Variants in PLCB1 observed in about 807,000 individuals in gnomAD.
PLCB1 encodes the protein 1-phosphatidylinositol 4,5-bisphosphate phosphodiesterase beta-1.
A neutral mutation model predicts 161.8 loss-of-function variants in PLCB1; 46 were observed. The observed-to-expected ratio is 0.28, with a 90% CI of 0.22 to 0.36. The LOEUF is 0.36. Ranked by LOEUF, PLCB1 falls within the 10% of genes least tolerant of loss-of-function variation. The probability of loss-of-function intolerance (pLI) is 1.00; values close to 1 mark genes in which losing one functional copy is unlikely to be tolerated. For synonymous variants in PLCB1, 517 were observed against 503.7 expected (o/e 1.03, Z -0.35); for missense variants, 1,016 against 1,472.5 (o/e 0.69, Z 5.07).
chr20:8,471,505 C>T (rs997872677), intron 3 of PLCB1, among the ~76,000 whole-genome samples: 4 of 152,138 alleles, frequency 2.6e-5, no homozygotes, highest in South Asian at 2.1e-4. Context: ...TGTTAAGTTA[C>T]GTGTTACAAA....
At chr20:8,490,861 C>CATATATATATAT (rs111442214) in intron 3 of PLCB1, among the ~76,000 whole-genome samples, 8 of 141,848 alleles carry the variant, frequency 5.6e-5, no homozygotes, top group African/African-American at 2.0e-4. Context: ...TATATATAGG[C>CATATATATATAT]ATATATATAT....
At chr20:8,178,437 T>C (rs1600218201) in intron 2 of PLCB1, among the ~76,000 whole-genome samples, 2 of 152,194 alleles carry the variant, frequency 1.3e-5, no homozygotes, top group East Asian at 3.8e-4. Context: ...GGTCATGTAT[T>C]TGTCTTCTGT....
intron 2 of PLCB1, among the ~76,000 whole-genome samples, chr20:8,285,866 T>C (rs1983093973): frequency 1.3e-5 from 2 of 152,248 alleles, no homozygotes; most frequent in Admixed American, 6.5e-5. Context: ...AGATAGTTCC[T>C]GGTGTTTCCC....
chr20:8,143,805 G>A (rs2051427254), intron 1 of PLCB1, among the ~76,000 whole-genome samples: 1 of 152,192 alleles, frequency 6.6e-6, no homozygotes, highest in Non-Finnish European at 1.5e-5. Flanking sequence ...ATACTGCGTA[G>A]GTCCTTGCAG....
At chr20:8,354,785 A>G (rs1986307799) in intron 2 of PLCB1, among the ~76,000 whole-genome samples, 2 of 152,196 alleles carry the variant, frequency 1.3e-5, no homozygotes, top group South Asian at 4.1e-4. Context: ...TGCTAGTACT[A>G]TTATTTCTCA....
intron 2 of PLCB1, among the ~76,000 whole-genome samples, chr20:8,177,941 C>G (rs959799738): frequency 6.6e-6 from 1 of 151,114 alleles, no homozygotes. Context: ...TGAGAACATT[C>G]GTGATGTTTG....
intron 27 of PLCB1, among the ~76,000 whole-genome samples, chr20:8,784,310 C>G (rs1401329682): frequency 1.3e-5 from 2 of 151,630 alleles, no homozygotes; most frequent in African/African-American, 2.4e-5. Context: ...CACCTGTAAT[C>G]CCAGCACTTT....
rs1323673112 is a variant in PLCB1, at chr20:8,684,983, G to A, written c.914G>A (p.Gly305Glu). ...CGCTATCTGAGTGGAGAAGAAAACGGAGTCGTTTCACCTGAGAAACTGGAT... is the reference window on the plus strand; with the variant it reads ...CGCTATCTGAGTGGAGAAGAAAACGAAGTCGTTTCACCTGAGAAACTGGAT... The part of the protein sequence containing the change: ...FMRYLSGEEN[G>E]VVSPEKLDLN... The change falls in exon 10 of 32, where the codon GGA becomes GAA. Residue 305 changes from glycine (G) to glutamate (E), a missense_variant. By Grantham distance (98) the Gly-to-Glu change is moderately conservative (BLOSUM62 -2). Transcript: ENST00000338037. 6.2e-7 allele frequency: 1 copy of A among 1,613,622 alleles called. No homozygotes were observed. Among genetic ancestry groups the A allele is most frequent in the Non-Finnish European group, 8.5e-7 (1 of 1,179,584 alleles).
chr20:8,759,479 A>G (rs1259301634), intron 24 of PLCB1, among the ~76,000 whole-genome samples: 1 of 152,154 alleles, frequency 6.6e-6, no homozygotes, highest in African/African-American at 2.4e-5. Flanking sequence ...CTAGTGGTCA[A>G]CATTTGACTT....
chr20:8,743,797 T>C (rs1456348246), intron 23 of PLCB1, among the ~76,000 whole-genome samples: 1 of 152,166 alleles, frequency 6.6e-6, no homozygotes, highest in Non-Finnish European at 1.5e-5. Flanking sequence ...TTTCTTCAGT[T>C]ATAATAGTGC....
intron 3 of PLCB1, among the ~76,000 whole-genome samples, chr20:8,402,643 G>T (rs1002765557): frequency 6.6e-6 from 1 of 150,622 alleles, no homozygotes; most frequent in Admixed American, 6.6e-5. Flanking sequence ...GACCAGCCTG[G>T]CTAACATGGT....
chr20:8,812,216 C>G (rs747296149), intron 31 of PLCB1, among the ~76,000 whole-genome samples: 1 of 152,034 alleles, frequency 6.6e-6, no homozygotes, highest in African/African-American at 2.4e-5. Context: ...GCCTTGGAAT[C>G]GTTGGAAGAA....
At position 8,532,370 on chromosome 20, in the gene PLCB1, A is replaced by G. The variant is rs73593782; in HGVS notation, c.247-95924A>G. Reference sequence around the variant, plus strand: ...TTTGGTTGCTAGGCAGCTGCTGGGGAAGCAATCTCTTCCACACATATGGTT... The same window carrying G: ...TTTGGTTGCTAGGCAGCTGCTGGGGGAGCAATCTCTTCCACACATATGGTT... On this transcript the variant is annotated intron_variant, in intron 3 of 31. Transcript: ENST00000338037. 8.6e-3 allele frequency among the ~76,000 whole-genome samples: 1,307 copies of G among 152,254 alleles called. 16 individuals are homozygous for G. Among genetic ancestry groups the G allele is most frequent in the African/African-American group, 0.027 (1,139 of 41,538 alleles).
chr20:8,276,563 C>T, intron 2 of PLCB1, among the ~76,000 whole-genome samples: 1 of 152,038 alleles, frequency 6.6e-6, no homozygotes, highest in East Asian at 1.9e-4. Flanking sequence ...TTTGAGTGTT[C>T]TTTTTTTACA....
At chr20:8,157,103 T>C (rs1327138799) in intron 2 of PLCB1, among the ~76,000 whole-genome samples, 1 of 152,232 alleles carries the variant, frequency 6.6e-6, no homozygotes, top group African/African-American at 2.4e-5. Context: ...TATTTATGTA[T>C]TTCATAATGT....
intron 3 of PLCB1, among the ~76,000 whole-genome samples, chr20:8,512,784 T>C (rs989295424): frequency 3.9e-5 from 6 of 152,150 alleles, no homozygotes; most frequent in Non-Finnish European, 8.8e-5. Flanking sequence ...CTCACGTACT[T>C]ATCATTTCTT....
rs1989210329 is a variant in PLCB1 at position 8,647,909 on chromosome 20, A to G, written c.474A>G (p.Lys158=). The G allele has an allele frequency of 1.2e-6, 2 of 1,604,886 alleles. No homozygotes were observed. Among genetic ancestry groups the G allele is most frequent in the Non-Finnish European group, 1.7e-6 (2 of 1,176,920 alleles). The change falls in exon 6 of 32, where the codon AAA becomes AAG. Residue 158 remains lysine, a synonymous_variant. Coordinates refer to ENST00000338037, the MANE Select transcript of PLCB1 (RefSeq NM_015192.4). Reference sequence around the variant, plus strand: ...TCTGCTTCTCCAACAGCTATACTAAACTTAAGCTGCAAGTCACTCCAGAAG... The same window carrying G: ...TCTGCTTCTCCAACAGCTATACTAAGCTTAAGCTGCAAGTCACTCCAGAAG... ...RDAFLEKAYT[K]LKLQVTPEGR... is the part of the protein sequence containing the mutation.
intron 2 of PLCB1, among the ~76,000 whole-genome samples, chr20:8,279,792 A>G (rs1259492627): frequency 6.6e-6 from 1 of 152,236 alleles, no homozygotes; most frequent in Non-Finnish European, 1.5e-5. Context: ...GTTCACTTAC[A>G]TAAAGGGCAC....
In PLCB1 at chr20:8,182,117, C is replaced by T. The variant is rs191797581; in HGVS notation, c.177+31746C>T. Among the ~76,000 whole-genome samples, 13 of 152,322 alleles carry T rather than the reference C, an allele frequency of 8.5e-5. No homozygotes were observed. The East Asian group carries it at 2.3e-3, about 27-fold the overall frequency. The stretch of plus-strand genomic sequence containing the variant: ...GCGTTCACAGGAATTAGTCTCATAT[C>T]ATTCTGAGACACAGATCAAAAGTTT... On this transcript the variant is annotated intron_variant, in intron 2 of 31. Transcript: ENST00000338037.
Sources: gnomAD v4.1 joint callset for allele counts (sites outside exome capture counted in the v4.1 genomes callset) on GRCh38, gnomAD v4.1.1 for gene constraint, MANE v1.5 for transcripts, NCBI Gene and HGNC (gene_info 2026-07-23, HGNC 2026-07-21) for gene names.